Variants in CPPED1 observed in about 807,000 individuals in gnomAD.
The protein encoded by CPPED1 is calcineurin like phosphoesterase domain containing 1, also known as serine/threonine-protein phosphatase CPPED1.
CPPED1 carries 28 observed loss-of-function variants against 28.0 expected under a neutral mutation model. The ratio of observed to expected loss-of-function variants is 1.00; its 90% confidence interval spans 0.74 to 1.37. The LOEUF (loss-of-function observed/expected upper bound fraction) is 1.37, where lower values mean the gene tolerates loss of function less well. CPPED1 is among the 40% of genes most tolerant of loss of function. CPPED1 has a pLI of 0.00. For synonymous variants in CPPED1, 198 were observed against 180.2 expected (o/e 1.10, Z -0.79); for missense variants, 504 against 416.5 (o/e 1.21, Z -1.83).
chr16:12,725,774 G>A (rs2080166928), intron 2 of CPPED1, among the ~76,000 whole-genome samples: 3 of 152,180 alleles, frequency 2.0e-5, no homozygotes, highest in South Asian at 4.1e-4. Flanking sequence ...TATCTTTAGC[G>A]AGTGCTTCCA....
intron 2 of CPPED1, among the ~76,000 whole-genome samples, chr16:12,766,197 A>C (rs1464910832): frequency 6.7e-6 from 1 of 150,366 alleles, no homozygotes; most frequent in East Asian, 1.9e-4. Context: ...GTTCGAGACC[A>C]GCCTGGCCAA....
rs139399384 is a variant in CPPED1, at chr16:12,776,658, C to T, written c.289+4527G>A. On this transcript the variant is annotated intron_variant, in intron 2 of 3. Transcript: ENST00000381774. ...CCTTTCAGCTGGGCGTGGTGGCTCACGCCTGTAATCACAGCACTTTGGGAG... is the reference window on the plus strand; with the variant it reads ...CCTTTCAGCTGGGCGTGGTGGCTCATGCCTGTAATCACAGCACTTTGGGAG... Among the ~76,000 whole-genome samples the T allele has an allele frequency of 3.6e-3, 545 of 152,276 alleles. 6 individuals are homozygous for T. The highest frequency in any genetic ancestry group is 0.013 in the African/African-American group (528 of 41,550).
At chr16:12,720,544 C>T (rs918308381) in intron 2 of CPPED1, among the ~76,000 whole-genome samples, 5 of 152,134 alleles carry the variant, frequency 3.3e-5, no homozygotes, top group Admixed American at 6.5e-5. Flanking sequence ...CTGGAGTGCA[C>T]TGGCGCAATC....
intron 2 of CPPED1, among the ~76,000 whole-genome samples, chr16:12,729,058 C>A (rs934521824): frequency 6.6e-6 from 1 of 152,138 alleles, no homozygotes; most frequent in Non-Finnish European, 1.5e-5. Flanking sequence ...GTCCTCCTTG[C>A]AATTTCTGAT....
chr16:12,664,923 A>G lies in CPPED1; in HGVS notation c.908T>C (p.Ile303Thr). The G allele has an allele frequency of 6.2e-7, 1 of 1,607,880 alleles. No individual in the cohort carries two copies. The highest frequency in any genetic ancestry group is 8.5e-7 in the Non-Finnish European group (1 of 1,177,998). Reference sequence around the variant, plus strand: ...GATCAAATCCATGAGATCGTCTTCTATTCCTTTCTCACTCAGCTCATCTAG... The same window carrying G: ...GATCAAATCCATGAGATCGTCTTCTGTTCCTTTCTCACTCAGCTCATCTAG... ...YSLDELSEKG[I>T]EDDLMDLIKK... The change falls in exon 4 of 4, where the codon ATA (isoleucine) becomes ACA (threonine). Residue 303 changes from isoleucine to threonine, a missense_variant. Coordinates refer to ENST00000381774, the MANE Select transcript of CPPED1 (RefSeq NM_018340.3). The surrounding 1 kb of genome is among the most constrained non-coding windows in gnomAD (Gnocchi z 4.2).
chr16:12,681,562 T>C lies in CPPED1; in HGVS notation c.716-16447A>G, dbSNP rs533882288. 9.2e-5 allele frequency among the ~76,000 whole-genome samples: 14 copies of C among 152,318 alleles called. No individual in the cohort carries two copies. The South Asian group carries it at 2.9e-3, about 32-fold the overall frequency. ...CCTGATTAACGATTCACAAAAATTA[T>C]ATTCTTCCCTTTTCAAAGCTCCTCT... On this transcript the variant is annotated intron_variant, in intron 3 of 3. Coordinates refer to ENST00000381774, the MANE Select transcript of CPPED1 (RefSeq NM_018340.3).
intron 1 of CPPED1, among the ~76,000 whole-genome samples, chr16:12,800,795 A>T (rs1164783059): frequency 6.6e-6 from 1 of 151,172 alleles, no homozygotes; most frequent in Non-Finnish European, 1.5e-5. Context: ...ATGTCCTAGG[A>T]CTCTCACACT....
chr16:12,787,408 T>TC (rs58167543), intron 1 of CPPED1, among the ~76,000 whole-genome samples: 6,898 of 48,902 alleles, frequency 0.14, 399 homozygotes, highest in African/African-American at 0.27. Flanking sequence ...TTTCTTTCTT[T>TC]TTTTTTTTTT....
At chr16:12,734,565 G>C (rs925351387) in intron 2 of CPPED1, among the ~76,000 whole-genome samples, 3 of 152,118 alleles carry the variant, frequency 2.0e-5, no homozygotes, top group African/African-American at 7.2e-5. Context: ...ATTTTTAGTA[G>C]AGACGGGGTT....
Position 12,670,461 on chromosome 16 carries a change from G to C in CPPED1, c.716-5346C>G, listed in dbSNP as rs537575126. Among the ~76,000 whole-genome samples, 4 of 152,134 alleles carry C rather than the reference G, an allele frequency of 2.6e-5. No homozygotes were observed. In the South Asian group the frequency reaches 6.2e-4, roughly 24 times the overall value. ...CATCTTTCTTCATCCCTTAGGTGTG[G>C]GCTGTGCATCCTGACTTCTGTTCAA... On this transcript the variant is annotated intron_variant, in intron 3 of 3. Transcript: ENST00000381774. This position sits in a 1 kb window ranked among gnomAD's most constrained non-coding sequence, Gnocchi z 4.2.
intron 2 of CPPED1, among the ~76,000 whole-genome samples, chr16:12,730,073 G>C (rs563912106): frequency 6.6e-6 from 1 of 152,154 alleles, no homozygotes; most frequent in South Asian, 2.1e-4. Context: ...TGTTGCCCAG[G>C]CTGGTTTCAA....
intron 2 of CPPED1, among the ~76,000 whole-genome samples, chr16:12,746,541 C>A (rs2080289537): frequency 6.6e-6 from 1 of 152,174 alleles, no homozygotes; most frequent in Admixed American, 6.5e-5. Flanking sequence ...AAAGCCAATA[C>A]CAGATGCGGC....
At chr16:12,736,789 C>A (rs1166747378) in intron 2 of CPPED1, among the ~76,000 whole-genome samples, 1 of 152,166 alleles carries the variant, frequency 6.6e-6, no homozygotes, top group Non-Finnish European at 1.5e-5. Context: ...GATGGATGAT[C>A]AGTGCAGCTA....
intron 2 of CPPED1, among the ~76,000 whole-genome samples, chr16:12,775,205 CAG>C (rs969683943): frequency 3.9e-5 from 6 of 152,080 alleles, no homozygotes; most frequent in African/African-American, 9.7e-5. Flanking sequence ...TGAGAGTCTG[CAG>C]AGAGAGTCCC....
intron 3 of CPPED1, among the ~76,000 whole-genome samples, chr16:12,696,966 CAAGTTT>C: frequency 6.6e-6 from 1 of 152,274 alleles, no homozygotes; most frequent in East Asian, 1.9e-4. Flanking sequence ...TACAAACCTC[CAAGTTT>C]TGCCTTATCT....
chr16:12,678,733 C>G (rs2079890518), intron 3 of CPPED1, among the ~76,000 whole-genome samples: 1 of 152,028 alleles, frequency 6.6e-6, no homozygotes, highest in Admixed American at 6.6e-5. Context: ...TGTCTATTAA[C>G]CTTGTATCCT....
At position 12,682,625 on chromosome 16, in the gene CPPED1, G is replaced by C. The variant is rs985505252; in HGVS notation, c.716-17510C>G. 6.6e-5 allele frequency among the ~76,000 whole-genome samples: 10 copies of C among 152,100 alleles called. No homozygotes were observed. The highest frequency in any genetic ancestry group is 2.4e-4 in the African/African-American group (10 of 41,410). On this transcript the variant is annotated intron_variant, in intron 3 of 3. Coordinates refer to ENST00000381774, the MANE Select transcript of CPPED1 (RefSeq NM_018340.3). The surrounding 1 kb of genome is among the most constrained non-coding windows in gnomAD (Gnocchi z 6.1). ...CAAGACTAGTATCAACCATCCCCAG[G>C]GCCACTGGGAAGATAAGTGAGAATC...
intron 3 of CPPED1, among the ~76,000 whole-genome samples, chr16:12,674,147 C>A (rs1003059673): frequency 6.6e-6 from 1 of 152,142 alleles, no homozygotes; most frequent in African/African-American, 2.4e-5. Flanking sequence ...AGTCCTCCCC[C>A]AATTCCAATG....
chr16:12,697,944 T>C (rs2080000512), intron 3 of CPPED1, among the ~76,000 whole-genome samples: 2 of 152,124 alleles, frequency 1.3e-5, no homozygotes, highest in Admixed American at 6.6e-5. Context: ...AAACTATCTC[T>C]TCTAAAAATA....
Sources: gnomAD v4.1 joint callset for allele counts (sites outside exome capture counted in the v4.1 genomes callset) on GRCh38, gnomAD v4.1.1 for gene constraint, Gnocchi (gnomAD v3.1) non-coding constraint, MANE v1.5 for transcripts, NCBI Gene and HGNC (gene_info 2026-07-23, HGNC 2026-07-21) for gene names.